The following BBS4 variants were observed in gnomAD, a reference collection of about 807,000 sequenced individuals.
The protein encoded by BBS4 is BBSome complex member BBS4.
A neutral mutation model predicts 71.4 loss-of-function variants in BBS4; 58 were observed. The ratio of observed to expected loss-of-function variants is 0.81; its 90% CI spans 0.66 to 1.01. BBS4 has a LOEUF of 1.01. Among genes scored for constraint, BBS4 ranks in the 50% least tolerant of loss-of-function variants. BBS4 has a pLI of 0.00. For missense variants in BBS4, 660 were observed against 607.9 expected (o/e 1.09, Z -0.90); for synonymous variants, 228 against 216.8 (o/e 1.05, Z -0.46).
chr15:72,737,439 T>C, intron 15 of BBS4, 39 bp from the exon 16 acceptor site: 1 of 1,515,888 alleles, frequency 6.6e-7, no homozygotes. Context: ...CTTCTGAAAT[T>C]GTGGAACATG....
intron 8 of BBS4, among the ~76,000 whole-genome samples, chr15:72,727,529 C>T (rs982644902): frequency 4.6e-5 from 7 of 152,104 alleles, no homozygotes; most frequent in South Asian, 2.1e-4. Flanking sequence ...GAAAATTATG[C>T]TGCCTGGCAT....
intron 4 of BBS4, among the ~76,000 whole-genome samples, chr15:72,714,328 C>T (rs1171270468): frequency 2.7e-5 from 4 of 148,122 alleles, no homozygotes; most frequent in East Asian, 2.0e-4. Context: ...CAGGTTCAAG[C>T]GATCCTCCTG....
chr15:72,716,937 A>T (rs2065478022), intron 6 of BBS4, 87 bp downstream of exon 6: 7 of 960,488 alleles, frequency 7.3e-6, no homozygotes. Context: ...CTGAATTCTT[A>T]CATTCCAAAA....
intron 7 of BBS4, among the ~76,000 whole-genome samples, chr15:72,723,721 C>A (rs1446797620): frequency 6.6e-6 from 1 of 152,014 alleles, no homozygotes; most frequent in South Asian, 2.1e-4. Context: ...ACATAAAATA[C>A]ATTTAGTGGG....
chr15:72,698,896 T>C (rs187649710), intron 2 of BBS4, among the ~76,000 whole-genome samples: 135 of 152,324 alleles, frequency 8.9e-4, no homozygotes, highest in African/African-American at 3.2e-3. Context: ...TACAGAATTA[T>C]AGAGTTACAA....
At chr15:72,702,802 C>CTTTTTTTTTTTTTTTTTTTTTTTTTTT (rs59816410) in intron 2 of BBS4, among the ~76,000 whole-genome samples, 2 of 73,494 alleles carry the variant, frequency 2.7e-5, no homozygotes, top group East Asian at 6.2e-4. Flanking sequence ...GGAGCTGACT[C>CTTTTTTTTTTTTTTTTTTTTTTTTTTT]TTTTTTTTTT....
At chr15:72,706,763 A>T (rs7176235) in intron 2 of BBS4, among the ~76,000 whole-genome samples, 1 of 151,960 alleles carries the variant, frequency 6.6e-6, no homozygotes, top group Non-Finnish European at 1.5e-5. Flanking sequence ...ACTTTCTGTT[A>T]TAATTTCTTC....
Position 72,727,964 on chromosome 15 carries a change from T to G in BBS4, c.612T>G (p.Leu204=), listed in dbSNP as rs2065734484. 4 of 1,612,802 alleles carry G rather than the reference T, an allele frequency of 2.5e-6. No homozygotes were observed. The highest frequency in any genetic ancestry group is 2.5e-6 in the Non-Finnish European group (3 of 1,178,932). Residue 204 remains leucine, a synonymous_variant, in exon 9 of 16, where the codon CTT becomes CTG. Coordinates refer to ENST00000268057, the MANE Select transcript of BBS4 (RefSeq NM_033028.5). Reference sequence around the variant, plus strand: ...GGTTCTCACCAGAAAATACAGAGCTTCTTACAACTTTAGGATTACTCTACT... The same window carrying G: ...GGTTCTCACCAGAAAATACAGAGCTGCTTACAACTTTAGGATTACTCTACT... The part of the protein sequence containing the change: ...AVEFSPENTE[L]LTTLGLLYLQ...
At chr15:72,701,848 TA>T (rs549741251) in intron 2 of BBS4, among the ~76,000 whole-genome samples, 1 of 152,168 alleles carries the variant, frequency 6.6e-6, no homozygotes, top group African/African-American at 2.4e-5. Flanking sequence ...AAATCATTAT[TA>T]TTTTTTTGAG....
At chr15:72,695,669 G>A (rs2065064510) in intron 2 of BBS4, among the ~76,000 whole-genome samples, 1 of 152,162 alleles carries the variant, frequency 6.6e-6, no homozygotes, top group African/African-American at 2.4e-5. Flanking sequence ...TAGTCTAAAT[G>A]TTCTGTCACA....
rs1458417621 is a variant in BBS4 at position 72,687,124 on chromosome 15, C to CTTTTTTTTTT, written c.24+874_24+883dup. 6.8e-4 allele frequency among the ~76,000 whole-genome samples: 52 copies of CTTTTTTTTTT among 76,240 alleles called. 10 individuals carry two copies. The South Asian group carries it at 0.013, about 19-fold the overall frequency. The allele number at this position is 76,240 out of a possible 152,430, so 50.0% of individuals were successfully genotyped here. On this transcript the variant is annotated intron_variant, in intron 1 of 15. Transcript: ENST00000268057. The stretch of plus-strand genomic sequence containing the variant: ...AATTAGAAAACTCTGAAGACAGAAA[C>CTTTTTTTTTT]TTTTTTTTTTGAGACGGAGTGTCGC...
rs572076143 is a variant in BBS4, at chr15:72,738,324, T to C, written c.*737T>C. On this transcript the variant is annotated 3_prime_UTR_variant, in exon 16 of 16. Transcript: ENST00000268057. ...AGTTTCTTAGATGAGTAATTGTTAT[T>C]GAAGATAGTCAGTGATAACCACTGA... The C allele has an allele frequency of 6.5e-4, 295 of 454,104 alleles. No individual in the cohort carries two copies. The highest frequency in any genetic ancestry group is 5.5e-3 in the African/African-American group (278 of 50,132). 28.1% of individuals were successfully genotyped at this position (454,104 alleles called of 1,614,324 possible).
intron 9 of BBS4, 75 bp from the exon 10 acceptor site, chr15:72,729,540 AC>A: frequency 1.4e-6 from 2 of 1,402,758 alleles, no homozygotes; most frequent in South Asian, 2.3e-5. Context: ...ATTAGCCACC[AC>A]GCCTGGTCTG....
chr15:72,719,065 CT>C (rs949251689), intron 6 of BBS4, among the ~76,000 whole-genome samples: 1 of 150,798 alleles, frequency 6.6e-6, no homozygotes, highest in Non-Finnish European at 1.5e-5. Flanking sequence ...GAGTTTTTTA[CT>C]TTTTTTTTGT....
intron 2 of BBS4, among the ~76,000 whole-genome samples, chr15:72,701,787 C>G (rs1329199561): frequency 2.0e-5 from 3 of 152,148 alleles, no homozygotes; most frequent in East Asian, 3.9e-4. Flanking sequence ...AGTCTTCCTA[C>G]TTTGATATAT....
chr15:72,721,549 C>A (rs892981856), intron 6 of BBS4, among the ~76,000 whole-genome samples: 1 of 152,150 alleles, frequency 6.6e-6, no homozygotes, highest in Non-Finnish European at 1.5e-5. Context: ...ATTTCCTTAT[C>A]TGTAAAATTG....
intron 2 of BBS4, chr15:72,698,106 C>T: frequency 4.4e-6 from 2 of 453,150 alleles, no homozygotes; most frequent in Non-Finnish European, 8.9e-6. Context: ...AAACTTTACC[C>T]ATTTTGGGGT....
intron 6 of BBS4, among the ~76,000 whole-genome samples, chr15:72,719,486 A>G (rs2065526945): frequency 6.6e-6 from 1 of 151,760 alleles, no homozygotes; most frequent in African/African-American, 2.4e-5. Flanking sequence ...TCCTCAAGTG[A>G]TCCTCCTGCT....
intron 2 of BBS4, among the ~76,000 whole-genome samples, chr15:72,702,999 C>T (rs1319632456): frequency 2.4e-4 from 4 of 16,636 alleles, no homozygotes; most frequent in Non-Finnish European, 1.1e-3. Context: ...TTAGTAGAGA[C>T]GGGGTTTCAC....
Sources: allele counts gnomAD v4.1 joint callset (sites outside exome capture counted in the v4.1 genomes callset), GRCh38; gene constraint gnomAD v4.1.1; transcripts MANE v1.5; gene names NCBI Gene and HGNC (gene_info 2026-07-23, HGNC 2026-07-21).